CTNND2: variants seen among roughly 807,000 people sequenced by gnomAD.
CTNND2 encodes catenin delta-2.
Under a neutral mutation model 144.4 loss-of-function variants are expected in CTNND2, and 22 were observed. That is an observed-to-expected ratio of 0.15 (90% CI 0.11 to 0.22). The LOEUF (loss-of-function observed/expected upper bound fraction) is 0.22, where lower values mean the gene tolerates loss of function less well. Among genes scored for constraint, CTNND2 ranks in the 10% least tolerant of loss-of-function variants. The pLI, the probability that CTNND2 is intolerant of heterozygous loss-of-function variation, is 1.00. For missense variants in CTNND2, 1,353 were observed against 1,618.8 expected (o/e 0.84, Z 2.82); for synonymous variants, 751 against 695.6 (o/e 1.08, Z -1.25).
intron 1 of CTNND2, among the ~76,000 whole-genome samples, chr5:11,770,066 G>C (rs1447506600): frequency 6.6e-6 from 1 of 152,152 alleles, no homozygotes; most frequent in African/African-American, 2.4e-5. Context: ...ATCAGCCTCT[G>C]AGAAGTATTA....
At chr5:11,430,118 C>T (rs1013957128) in intron 3 of CTNND2, among the ~76,000 whole-genome samples, 2 of 151,364 alleles carry the variant, frequency 1.3e-5, no homozygotes, top group African/African-American at 4.9e-5. Flanking sequence ...GGTGTGGTGT[C>T]GCGTGCCTGT....
intron 3 of CTNND2, among the ~76,000 whole-genome samples, chr5:11,474,709 T>G (rs1434508842): frequency 6.6e-6 from 1 of 152,210 alleles, no homozygotes; most frequent in African/African-American, 2.4e-5. Flanking sequence ...TATGAAATAC[T>G]TTTGAAAACC....
chr5:11,398,358 C>A (rs1366643463), intron 5 of CTNND2, among the ~76,000 whole-genome samples: 1 of 152,046 alleles, frequency 6.6e-6, no homozygotes, highest in African/African-American at 2.4e-5. Context: ...ATGTGGATCA[C>A]CTTTCATAAA....
chr5:11,342,747 T>G (rs61750718), intron 9 of CTNND2, among the ~76,000 whole-genome samples: 1 of 152,218 alleles, frequency 6.6e-6, no homozygotes, highest in African/African-American at 2.4e-5. Context: ...TTTTTCCATT[T>G]GTTTCATCAT....
intron 7 of CTNND2, among the ~76,000 whole-genome samples, chr5:11,367,884 C>T (rs1365888902): frequency 2.0e-5 from 3 of 152,190 alleles, no homozygotes; most frequent in African/African-American, 7.2e-5. Flanking sequence ...GTCATGCAAT[C>T]ATAATCCCTG....
At chr5:11,485,828 A>T (rs1188119313) in intron 3 of CTNND2, among the ~76,000 whole-genome samples, 4 of 152,202 alleles carry the variant, frequency 2.6e-5, no homozygotes, top group Admixed American at 2.6e-4. Flanking sequence ...CATTATTTTT[A>T]TTTTATAATC....
intron 1 of CTNND2, among the ~76,000 whole-genome samples, chr5:11,866,067 C>A (rs1795755510): frequency 6.6e-6 from 1 of 151,976 alleles, no homozygotes; most frequent in Non-Finnish European, 1.5e-5. Flanking sequence ...CTATGGGAGG[C>A]CAAAGTGGGA....
At chr5:11,787,385 T>C (rs1289474914) in intron 1 of CTNND2, among the ~76,000 whole-genome samples, 14 of 152,198 alleles carry the variant, frequency 9.2e-5, no homozygotes, top group Non-Finnish European at 1.5e-4. Context: ...ATAACTGTAA[T>C]GCATGACTTA....
At chr5:11,775,799 T>A (rs115173021) in intron 1 of CTNND2, among the ~76,000 whole-genome samples, 2,203 of 152,322 alleles carry the variant, frequency 0.014, 42 homozygotes, top group African/African-American at 0.051. Flanking sequence ...AATGTGACCT[T>A]ATTTGTAAAT....
chr5:11,387,441 T>C (rs1003550765), intron 6 of CTNND2, among the ~76,000 whole-genome samples: 2 of 152,066 alleles, frequency 1.3e-5, no homozygotes, highest in African/African-American at 4.8e-5. Flanking sequence ...AGAGTCTGCA[T>C]TTCTAACAAT....
intron 3 of CTNND2, among the ~76,000 whole-genome samples, chr5:11,423,450 A>G (rs1762529787): frequency 6.6e-6 from 1 of 152,182 alleles, no homozygotes; most frequent in Admixed American, 6.5e-5. Flanking sequence ...AGGTTCCCAG[A>G]CATTTCAAGT....
At chr5:11,198,146 A>G (rs1226492689) in intron 11 of CTNND2, among the ~76,000 whole-genome samples, 3 of 152,194 alleles carry the variant, frequency 2.0e-5, no homozygotes, top group Non-Finnish European at 2.9e-5. Flanking sequence ...AAATATTTTC[A>G]GTTACATAAC....
chr5:11,283,636 T>C (rs1747393235), intron 9 of CTNND2, among the ~76,000 whole-genome samples: 2 of 118,096 alleles, frequency 1.7e-5, no homozygotes, highest in African/African-American at 6.8e-5. Context: ...ACTATGCCAT[T>C]GCACTCCAGC....
At chr5:11,445,275 C>T (rs1450188456) in intron 3 of CTNND2, among the ~76,000 whole-genome samples, 1 of 152,098 alleles carries the variant, frequency 6.6e-6, no homozygotes, top group East Asian at 1.9e-4. Context: ...TCCAGGTGTC[C>T]AGACCTCCAT....
intron 15 of CTNND2, among the ~76,000 whole-genome samples, chr5:11,092,150 A>T (rs1750840904): frequency 6.6e-6 from 1 of 152,128 alleles, no homozygotes; most frequent in Non-Finnish European, 1.5e-5. Context: ...TTCAGAGATC[A>T]TTGTCCTTTG....
chr5:11,185,282 A>G (rs1735512645), intron 11 of CTNND2, among the ~76,000 whole-genome samples: 3 of 152,072 alleles, frequency 2.0e-5, no homozygotes, highest in African/African-American at 7.2e-5. Flanking sequence ...ACAGTTCTCT[A>G]TCTCCCTCTC....
At position 11,710,333 on chromosome 5, in the gene CTNND2, G is replaced by A. The variant is rs571571913; in HGVS notation, c.174+21803C>T. 1.7e-4 allele frequency among the ~76,000 whole-genome samples: 26 copies of A among 152,180 alleles called. No individual in the cohort carries two copies. The East Asian group carries it at 2.5e-3, about 15-fold the overall frequency. On this transcript the variant is annotated intron_variant, in intron 2 of 21. Transcript: ENST00000304623. ...TGAGGTGGGTGGATCACGAGGTCAA[G>A]GGATCGAGATCATCCTGGCCAACAT...
chr5:11,783,790 T>C (rs1326302259), intron 1 of CTNND2, among the ~76,000 whole-genome samples: 2 of 152,196 alleles, frequency 1.3e-5, no homozygotes, highest in South Asian at 2.1e-4. Flanking sequence ...TTTTTAGATA[T>C]AGAGCAGATG....
intron 5 of CTNND2, among the ~76,000 whole-genome samples, chr5:11,404,018 G>C (rs1180203770): frequency 9.2e-5 from 14 of 152,032 alleles, no homozygotes; most frequent in Admixed American, 9.2e-4. Flanking sequence ...CAAAATTATA[G>C]AGGACTCCAA....
Sources: gnomAD v4.1 joint callset for allele counts (sites outside exome capture counted in the v4.1 genomes callset) on GRCh38, gnomAD v4.1.1 for gene constraint, MANE v1.5 for transcripts, NCBI Gene and HGNC (gene_info 2026-07-23, HGNC 2026-07-21) for gene names.